The following LIG4 variants were observed in gnomAD, a reference collection of about 807,000 sequenced individuals.
LIG4 encodes DNA ligase 4, also known as DNA joinase.
A neutral mutation model predicts 19.0 loss-of-function variants in LIG4; 13 were observed. The observed-to-expected ratio is 0.68, with a 90% confidence interval of 0.44 to 1.09. The LOEUF (loss-of-function observed/expected upper bound fraction) is 1.09, where lower values mean the gene tolerates loss of function less well. Ranked by LOEUF, LIG4 falls within the 50% of genes least tolerant of loss-of-function variation. The probability of loss-of-function intolerance (pLI) is 0.00; values close to 1 mark genes in which losing one functional copy is unlikely to be tolerated. For missense variants in LIG4, 1,026 were observed against 1,089.7 expected, an observed-to-expected ratio of 0.94 and a Z score of 0.82; for synonymous variants, 361 against 358.2, an observed-to-expected ratio of 1.01 and a Z score of -0.09.
Position 108,209,434 on chromosome 13 carries a change from G to C in LIG4, c.1835C>G (p.Ser612Cys), listed in dbSNP as rs932632331. Residue 612 changes from serine (S) to cysteine (C), a missense_variant, in exon 3 of 3, where the codon TCT (serine) becomes TGT (cysteine). Ser to Cys is a moderately radical substitution (Grantham distance 112). Around this residue, in one of 3 missense-constraint regions of LIG4, gnomAD observed 521 missense variants for 515.5 expected, o/e 1.01. Coordinates refer to ENST00000442234, the MANE Select transcript of LIG4 (RefSeq NM_206937.2). Reference protein sequence around the residue: ...LRGKASGKLASKHLYIGGDDE... With the variant: ...LRGKASGKLACKHLYIGGDDE... ...ATCACCACCTATATAAAGGTGTTTA[G>C]ATGCGAGCTTACCAGATGCCTTCCC... 11 of 1,613,972 alleles carry C rather than the reference G, an allele frequency of 6.8e-6. No individual in the cohort carries two copies. Among genetic ancestry groups the C allele is most frequent in the Non-Finnish European group, 9.3e-6 (11 of 1,180,024 alleles).
intron 2 of LIG4, 41 bp from the exon 3 acceptor site, chr13:108,211,337 G>T: frequency 9.2e-7 from 1 of 1,083,832 alleles, no homozygotes. Flanking sequence ...TAAAAGATAA[G>T]ATTCAACTAA....
chr13:108,215,500 A>C lies in LIG4; in HGVS notation c.-118T>G, dbSNP rs1879222854. On this transcript the variant is annotated 5_prime_UTR_variant, in exon 1 of 3. Transcript: ENST00000442234. ...CCTTCCCACCTGACGTCAAGCCTGA[A>C]GCTCAGCCGCTAAGCCGGAAGCTGG... 8.1e-6 allele frequency: 1 copy of C among 123,316 alleles called. No homozygotes were observed. The highest frequency in any genetic ancestry group is 2.8e-4 in the East Asian group (1 of 3,590). The allele number at this position is 123,316 out of a possible 1,614,324, so 7.6% of individuals were successfully genotyped here.
upstream of LIG4, chr13:108,218,194 G>A (rs955781063): frequency 2.0e-5 from 3 of 152,248 alleles, no homozygotes; most frequent in African/African-American, 7.2e-5. Context: ...GGACTCCCGA[G>A]CTCATCGGGT....
chr13:108,215,463 G>C (rs1415581201), intron 1 of LIG4, 21 bp downstream of exon 1: 1 of 33,338 alleles, frequency 3.0e-5, no homozygotes, highest in East Asian at 1.0e-3. Flanking sequence ...GCCCCCACCT[G>C]CCACCCCACA....
Position 108,210,710 on chromosome 13 carries a change from T to A in LIG4, c.559A>T (p.Ile187Leu). 4 of 1,613,980 alleles carry A rather than the reference T, an allele frequency of 2.5e-6. No homozygotes were observed. Among genetic ancestry groups the A allele is most frequent in the Non-Finnish European group, 3.4e-6 (4 of 1,179,958 alleles). ...QSSALEQKWL[I>L]RMIIKDLKLG... ...TTTAAATCCTTTATGATCATCCGTA[T>A]AAGCCACTTTTGCTCAAGTGCTGAA... The change falls in exon 3 of 3, where the codon ATA becomes TTA. Residue 187 changes from isoleucine to leucine, a missense_variant. Physicochemically the swap from Ile to Leu is conservative, Grantham distance 5. Coordinates refer to ENST00000442234, the MANE Select transcript of LIG4 (RefSeq NM_206937.2).
At position 108,208,284 on chromosome 13, in the gene LIG4, G is replaced by T; in HGVS notation, c.*249C>A. ...ATATTATAAAAACACCTCTTCTTTA[G>T]ACTGTTTATTTCACCTTGATCATAA... On this transcript the variant is annotated 3_prime_UTR_variant, in exon 3 of 3. Transcript: ENST00000442234. 2.6e-6 allele frequency: 1 copy of T among 387,312 alleles called. No homozygotes were observed. The highest frequency in any genetic ancestry group is 4.7e-6 in the Non-Finnish European group (1 of 213,848). The allele number at this position is 387,312 out of a possible 1,614,324, so 24.0% of individuals were successfully genotyped here. A position where few individuals can be genotyped will look rare whatever the true frequency, so the allele number is the denominator to read the frequency against.
Position 108,209,616 on chromosome 13 carries a change from A to T in LIG4, c.1653T>A (p.Pro551=), listed in dbSNP as rs748211292. The T allele has an allele frequency of 6.2e-7, 1 of 1,614,166 alleles. No homozygotes were observed. Among genetic ancestry groups the T allele is most frequent in the South Asian group, 1.1e-5 (1 of 91,088 alleles). The stretch of plus-strand genomic sequence containing the variant: ...TAATCTGAACAATGACAGAATTACA[A>T]GGTTCAATGTATACTTCTGGCTTCT... ...GTEKPEVYIE[P]CNSVIVQIKA... Residue 551 remains proline, a synonymous_variant, in exon 3 of 3, where the codon CCT becomes CCA. Coordinates refer to ENST00000442234, the MANE Select transcript of LIG4 (RefSeq NM_206937.2).
rs2138964521 is a variant in LIG4 at position 108,208,353 on chromosome 13, C to T, written c.*180G>A. On this transcript the variant is annotated 3_prime_UTR_variant, in exon 3 of 3. Transcript: ENST00000442234. ...ATTCAAGATAATTTTTCTTTCTTGG[C>T]TTTGGGCTATTGTCTTTTCAACCTT... 2 of 552,952 alleles carry T rather than the reference C, an allele frequency of 3.6e-6. No homozygotes were observed. The highest frequency in any genetic ancestry group is 1.9e-5 in the African/African-American group (1 of 52,908). The allele number at this position is 552,952 out of a possible 1,614,324, so 34.3% of individuals were successfully genotyped here.
chr13:108,214,646 G>GC (rs1371232867), intron 1 of LIG4, 36 bp from the exon 2 acceptor site: 3 of 152,066 alleles, frequency 2.0e-5, no homozygotes, highest in Non-Finnish European at 4.4e-5. Context: ...CAACATGTAC[G>GC]CAGGTAAAGC....
In LIG4 at chr13:108,210,234, C is replaced by T. The variant is rs1348072213; in HGVS notation, c.1035G>A (p.Lys345=). ...YNPNTQTFMQ[K]GTKFDIKRMV... The stretch of plus-strand genomic sequence containing the variant: ...TTCTTTTAATATCAAACTTAGTTCC[C>T]TTTTGCATGAAAGTTTGTGTATTAG... The change falls in exon 3 of 3, where the codon AAG becomes AAA. Residue 345 remains lysine, a synonymous_variant. Transcript: ENST00000442234. 1.7e-5 allele frequency: 28 copies of T among 1,613,564 alleles called. No individual in the cohort carries two copies. Among genetic ancestry groups the T allele is most frequent in the Non-Finnish European group, 2.3e-5 (27 of 1,179,830 alleles).
intron 2 of LIG4, among the ~76,000 whole-genome samples, chr13:108,213,880 A>C (rs1878925628): frequency 6.6e-6 from 1 of 152,242 alleles, no homozygotes; most frequent in Non-Finnish European, 1.5e-5. Context: ...AAAAGTAGTA[A>C]GTCTTGATAA....
At chr13:108,212,688 G>A (rs1304579393) in intron 2 of LIG4, among the ~76,000 whole-genome samples, 2 of 150,778 alleles carry the variant, frequency 1.3e-5, no homozygotes, top group African/African-American at 4.9e-5. Context: ...AAACAAATGA[G>A]CAACACACAC....
chr13:108,214,604 T>C lies in LIG4; in HGVS notation c.-95A>G, dbSNP rs958316672. 2.6e-5 allele frequency: 4 copies of C among 152,116 alleles called. No homozygotes were observed. Among genetic ancestry groups the C allele is most frequent in the African/African-American group, 9.7e-5 (4 of 41,374 alleles). The allele number at this position is 152,116 out of a possible 1,614,324, so 9.4% of individuals were successfully genotyped here. A position where few individuals can be genotyped will look rare whatever the true frequency, so the allele number is the denominator to read the frequency against. On this transcript the variant is annotated 5_prime_UTR_variant, in exon 2 of 3. Coordinates refer to ENST00000442234, the MANE Select transcript of LIG4 (RefSeq NM_206937.2). ...TCCCAGCTGTAAAATGAGATCTTGA[T>C]GGTTTCCTGCGGGGTTGCCATGAGA...
At chr13:108,212,182 A>G (rs1878732744) in intron 2 of LIG4, among the ~76,000 whole-genome samples, 1 of 150,506 alleles carries the variant, frequency 6.6e-6, no homozygotes, top group Non-Finnish European at 1.5e-5. Flanking sequence ...TATTCTGTAA[A>G]AAAAAAAAAA....
chr13:108,215,750 G>A (rs1374538249), upstream of LIG4, among the ~76,000 whole-genome samples: 2 of 151,716 alleles, frequency 1.3e-5, no homozygotes, highest in Non-Finnish European at 2.9e-5. Flanking sequence ...CTCTCTGCAA[G>A]CAGTTGATCC....
At chr13:108,213,990 A>G (rs757577373) in intron 2 of LIG4, among the ~76,000 whole-genome samples, 1 of 152,248 alleles carries the variant, frequency 6.6e-6, no homozygotes, top group Non-Finnish European at 1.5e-5. Flanking sequence ...TCACTCTTTA[A>G]CAATAAGCAA....
chr13:108,209,618 G>C lies in LIG4; in HGVS notation c.1651C>G (p.Pro551Ala). 6.2e-7 allele frequency: 1 copy of C among 1,614,120 alleles called. No homozygotes were observed. Among genetic ancestry groups the C allele is most frequent in the South Asian group, 1.1e-5 (1 of 91,080 alleles). The change falls in exon 3 of 3, where the codon CCT becomes GCT. Residue 551 changes from proline to alanine, a missense_variant. Physicochemically the swap from Pro to Ala is conservative, Grantham distance 27. This residue lies in a region of LIG4 where 521 missense variants were observed against 515.5 expected (regional missense o/e 1.01). Coordinates refer to ENST00000442234, the MANE Select transcript of LIG4 (RefSeq NM_206937.2). The stretch of plus-strand genomic sequence containing the variant: ...ATCTGAACAATGACAGAATTACAAG[G>C]TTCAATGTATACTTCTGGCTTCTCT... Reference protein sequence around the residue: ...GTEKPEVYIEPCNSVIVQIKA... With the variant: ...GTEKPEVYIEACNSVIVQIKA...
At position 108,209,867 on chromosome 13, in the gene LIG4, CA is replaced by C; in HGVS notation, c.1401del (p.Gly468GlufsTer12). The C allele has an allele frequency of 6.2e-7, 1 of 1,614,166 alleles. No homozygotes were observed. The highest frequency in any genetic ancestry group is 1.1e-5 in the South Asian group (1 of 91,080). On this transcript the variant is annotated frameshift_variant, in exon 3 of 3. Coordinates refer to ENST00000442234, the MANE Select transcript of LIG4 (RefSeq NM_206937.2). LOFTEE classifies it low-confidence loss of function (END_TRUNC). Reference sequence around the variant, plus strand: ...CGTGATCCTTTACCCCAATATCCTCCAACAATTAAAATGTCCAATTCATCCA... The same window carrying C: ...CGTGATCCTTTACCCCAATATCCTCCACAATTAAAATGTCCAATTCATCCA... Reference protein sequence around the residue: ...GLMDELDILIVGGYWGKGSRG... With the variant: ...GLMDELDILIXGGYWGKGSRG...
In LIG4 at chr13:108,207,719, T is replaced by TA. The variant is rs1878067991; in HGVS notation, c.*813dup. Reference sequence around the variant, plus strand: ...AAAGCAACTTATTTCTAATGAAAGTTACAATATGCATGCCATATTGACACC... The same window carrying TA: ...AAAGCAACTTATTTCTAATGAAAGTTAACAATATGCATGCCATATTGACACC... On this transcript the variant is annotated 3_prime_UTR_variant, in exon 3 of 3. Coordinates refer to ENST00000442234, the MANE Select transcript of LIG4 (RefSeq NM_206937.2). 1 of 152,200 alleles carries TA rather than the reference T, an allele frequency of 6.6e-6. No homozygotes were observed. The highest frequency in any genetic ancestry group is 6.5e-5 in the Admixed American group (1 of 15,282). 9.4% of individuals were successfully genotyped at this position (152,200 alleles called of 1,614,324 possible).
Sources: allele counts gnomAD v4.1 joint callset (sites outside exome capture counted in the v4.1 genomes callset), GRCh38; gene constraint gnomAD v4.1.1; regional missense constraint gnomAD v4.1.1; transcripts MANE v1.5; gene names NCBI Gene and HGNC (gene_info 2026-07-23, HGNC 2026-07-21).